The following SRPK2 variants were observed in gnomAD, a reference collection of about 807,000 sequenced individuals.
SRPK2 encodes SRSF protein kinase 2, also known as SFRS protein kinase 2.
In SRPK2, 21 loss-of-function variants were observed where a neutral mutation model predicts 90.8. The ratio of observed to expected loss-of-function variants is 0.23; its 90% CI spans 0.16 to 0.33. The LOEUF (loss-of-function observed/expected upper bound fraction) is 0.33. Ranked by LOEUF, SRPK2 falls within the 10% of genes least tolerant of loss-of-function variation. The probability of loss-of-function intolerance (pLI) is 1.00; values close to 1 mark genes in which losing one functional copy is unlikely to be tolerated. For synonymous variants in SRPK2, 288 were observed against 311.1 expected (o/e 0.93, Z 0.78); for missense variants, 620 against 869.0 (o/e 0.71, Z 3.60).
At chr7:105,129,462 C>T (rs1447400809) in intron 13 of SRPK2, among the ~76,000 whole-genome samples, 1 of 152,094 alleles carries the variant, frequency 6.6e-6, no homozygotes, top group East Asian at 1.9e-4. Flanking sequence ...ACAACCTCTG[C>T]CTCCTGGGTT....
In SRPK2 at chr7:105,200,450, T is replaced by C. The variant is rs140136963; in HGVS notation, c.229+3178A>G. 2.1e-3 allele frequency among the ~76,000 whole-genome samples: 315 copies of C among 152,130 alleles called. 4 individuals are homozygous for C. The highest frequency in any genetic ancestry group is 7.2e-3 in the African/African-American group (300 of 41,508). On this transcript the variant is annotated intron_variant, in intron 3 of 15. Transcript: ENST00000393651. ...GAGTAAGTGATCATAACCCACTGAA[T>C]AAAACAGAGATCCATGAATTTATCA...
At chr7:105,295,968 T>G (rs1238792683) in intron 2 of SRPK2, among the ~76,000 whole-genome samples, 1 of 152,218 alleles carries the variant, frequency 6.6e-6, no homozygotes, top group Non-Finnish European at 1.5e-5. Flanking sequence ...CTTGAAGTAC[T>G]TCTAATGAAT....
At chr7:105,318,337 C>A (rs551348806) in intron 2 of SRPK2, among the ~76,000 whole-genome samples, 2 of 152,192 alleles carry the variant, frequency 1.3e-5, no homozygotes, top group Non-Finnish European at 2.9e-5. Flanking sequence ...TCAGGTGATC[C>A]GCCCACCTCA....
At chr7:105,357,374 C>T (rs1219600927) in intron 2 of SRPK2, among the ~76,000 whole-genome samples, 2 of 152,188 alleles carry the variant, frequency 1.3e-5, no homozygotes, top group African/African-American at 4.8e-5. Context: ...TGCTGGAGTC[C>T]TCCATTCCTT....
chr7:105,301,506 C>T (rs1285976413), intron 2 of SRPK2: 27 of 1,342,778 alleles, frequency 2.0e-5, no homozygotes, highest in Non-Finnish European at 2.5e-5. Context: ...GGAGGCGCCC[C>T]GCAACCGGTG....
At chr7:105,309,898 C>A (rs1219140042) in intron 2 of SRPK2, among the ~76,000 whole-genome samples, 5 of 152,156 alleles carry the variant, frequency 3.3e-5, no homozygotes, top group Admixed American at 6.5e-5. Context: ...GTTTATGTCC[C>A]TGAGGGGCTC....
chr7:105,146,774 A>G (rs1584947048), intron 7 of SRPK2, 116 bp from the exon 8 acceptor site: 2 of 1,106,436 alleles, frequency 1.8e-6, no homozygotes, highest in East Asian at 5.2e-5. Flanking sequence ...TAAACACAAA[A>G]GGATATTTAG....
chr7:105,181,897 C>CAAAAA (rs1408159019), intron 3 of SRPK2, among the ~76,000 whole-genome samples: 1 of 133,684 alleles, frequency 7.5e-6, no homozygotes, highest in Non-Finnish European at 1.6e-5. Flanking sequence ...AAAAAAAAAA[C>CAAAAA]AGAAAACACA....
chr7:105,350,954 C>CT (rs1398090718), intron 2 of SRPK2, among the ~76,000 whole-genome samples: 6 of 152,136 alleles, frequency 3.9e-5, no homozygotes, highest in Admixed American at 3.3e-4. Context: ...ATCTTACGCG[C>CT]TTTATCTATT....
At chr7:105,226,233 A>G (rs1798691408) in intron 2 of SRPK2, among the ~76,000 whole-genome samples, 1 of 152,076 alleles carries the variant, frequency 6.6e-6, no homozygotes, top group Admixed American at 6.5e-5. Flanking sequence ...AAAATGGAAG[A>G]TATATTTTGC....
chr7:105,324,812 C>T (rs1378311158), intron 2 of SRPK2, among the ~76,000 whole-genome samples: 1 of 152,082 alleles, frequency 6.6e-6, no homozygotes, highest in Non-Finnish European at 1.5e-5. Flanking sequence ...GCTTGAGCCA[C>T]GGAGGCGGAG....
intron 2 of SRPK2, among the ~76,000 whole-genome samples, chr7:105,343,774 T>A (rs1208879503): frequency 2.0e-5 from 3 of 152,128 alleles, no homozygotes. Context: ...ATTTTTTATT[T>A]TTTTGGAGAT....
chr7:105,177,350 CT>C lies in SRPK2; in HGVS notation c.230-8086del, dbSNP rs1792105012. ...TCTTTTTACTTCAATGAAAGGATATCTTTAGATTATTAAGATGTGTGATACA... is the reference window on the plus strand; with the variant it reads ...TCTTTTTACTTCAATGAAAGGATATCTTAGATTATTAAGATGTGTGATACA... On this transcript the variant is annotated intron_variant, in intron 3 of 15. Transcript: ENST00000393651. Among the ~76,000 whole-genome samples the C allele has an allele frequency of 4.6e-5, 7 of 152,106 alleles. No homozygotes were observed. The South Asian group carries it at 1.5e-3, about 32-fold the overall frequency.
At chr7:105,277,320 C>T (rs1727022762) in intron 2 of SRPK2, among the ~76,000 whole-genome samples, 1 of 152,192 alleles carries the variant, frequency 6.6e-6, no homozygotes. Flanking sequence ...TCATGATCCA[C>T]CCAGCTCAGC....
intron 6 of SRPK2, among the ~76,000 whole-genome samples, chr7:105,165,918 G>A (rs550443914): frequency 6.6e-6 from 1 of 152,248 alleles, no homozygotes; most frequent in East Asian, 1.9e-4. Context: ...CCTGAAGTCA[G>A]CGAGACCACG....
At chr7:105,280,556 C>G (rs1441395479) in intron 2 of SRPK2, among the ~76,000 whole-genome samples, 3 of 151,514 alleles carry the variant, frequency 2.0e-5, no homozygotes, top group Non-Finnish European at 4.4e-5. Context: ...AGCCAACACC[C>G]ACTCAAATCA....
At chr7:105,284,529 T>C (rs1585529001) in intron 2 of SRPK2, among the ~76,000 whole-genome samples, 1 of 152,176 alleles carries the variant, frequency 6.6e-6, no homozygotes, top group African/African-American at 2.4e-5. Context: ...CAACAGGTGA[T>C]TGAGATTTAA....
intron 3 of SRPK2, among the ~76,000 whole-genome samples, chr7:105,197,404 A>C (rs183388129): frequency 1.5e-4 from 23 of 152,330 alleles, no homozygotes; most frequent in Middle Eastern, 3.4e-3. Flanking sequence ...GGATGATTTT[A>C]AGAAAACGTG....
At chr7:105,118,105 G>C in intron 15 of SRPK2, 83 bp from the exon 16 acceptor site, 1 of 1,457,352 alleles carries the variant, frequency 6.9e-7, no homozygotes. Context: ...TCTTTTCAGT[G>C]AAGCGGACAA....
Sources: allele counts gnomAD v4.1 joint callset (sites outside exome capture counted in the v4.1 genomes callset), GRCh38; gene constraint gnomAD v4.1.1; transcripts MANE v1.5; gene names NCBI Gene and HGNC (gene_info 2026-07-23, HGNC 2026-07-21).